HDX: variants seen among roughly 807,000 people sequenced by gnomAD.
The protein encoded by HDX is chromosome X open reading frame 43.
Under a neutral mutation model 45.2 loss-of-function variants are expected in HDX, and 19 were observed. The ratio of observed to expected loss-of-function variants is 0.42; its 90% CI spans 0.29 to 0.62. The LOEUF (loss-of-function observed/expected upper bound fraction) is 0.62, where lower values mean the gene tolerates loss of function less well. HDX is among the 20% of genes least tolerant of loss of function. The probability of loss-of-function intolerance (pLI) is 0.20; values close to 1 mark genes in which losing one functional copy is unlikely to be tolerated. For synonymous variants in HDX, 188 were observed against 172.8 expected (o/e 1.09, Z -0.69); for missense variants, 532 against 493.9 (o/e 1.08, Z -0.73).
chrX:84,436,488 C>T (rs2039639347), intron 5 of HDX, among the ~76,000 whole-genome samples: 1 of 111,261 alleles, frequency 9.0e-6, no homozygotes, highest in African/African-American at 3.3e-5. Context: ...TTTAATACTG[C>T]CTTTGCTGTG....
intron 5 of HDX, among the ~76,000 whole-genome samples, chrX:84,401,875 A>G (rs1177369124): frequency 8.9e-6 from 1 of 111,842 alleles, no homozygotes; most frequent in Non-Finnish European, 1.9e-5. Context: ...ACATGCAGGC[A>G]TAAATCATGT....
chrX:84,423,686 A>T, intron 5 of HDX, among the ~76,000 whole-genome samples: 1 of 112,000 alleles, frequency 8.9e-6, no homozygotes, highest in East Asian at 2.8e-4. Flanking sequence ...GTGAAATATC[A>T]TATCAACAGA....
intron 1 of HDX, among the ~76,000 whole-genome samples, chrX:84,496,145 G>T (rs192869438): frequency 1.8e-5 from 2 of 111,993 alleles, no homozygotes; most frequent in Non-Finnish European, 3.8e-5. Flanking sequence ...CATTGGTGTA[G>T]TTTTTTTCTC....
chrX:84,352,993 A>T (rs1211067408), intron 6 of HDX, among the ~76,000 whole-genome samples: 3 of 111,546 alleles, frequency 2.7e-5, no homozygotes, highest in Non-Finnish European at 3.8e-5. Context: ...AGCAGAAACG[A>T]AGTTTCTATT....
At chrX:84,406,511 CACACACAT>C (rs1360440879) in intron 5 of HDX, among the ~76,000 whole-genome samples, 30 of 56,018 alleles carry the variant, frequency 5.4e-4, no homozygotes, top group African/African-American at 1.5e-3. Context: ...TACACACACA[CACACACAT>C]ACACACACAC....
chrX:84,497,713 G>A (rs867189814), intron 1 of HDX, among the ~76,000 whole-genome samples: 1 of 99,292 alleles, frequency 1.0e-5, no homozygotes, highest in African/African-American at 3.7e-5. Flanking sequence ...GTGTGTGTGT[G>A]TATGAATTTA....
At chrX:84,385,359 G>T (rs942206184) in intron 5 of HDX, among the ~76,000 whole-genome samples, 8 of 103,370 alleles carry the variant, frequency 7.7e-5, no homozygotes, top group African/African-American at 2.8e-4. Flanking sequence ...GACTACAGGC[G>T]CCCGCCACTA....
chrX:84,445,484 A>T (rs747438181), intron 4 of HDX, among the ~76,000 whole-genome samples: 1 of 110,832 alleles, frequency 9.0e-6, no homozygotes, highest in East Asian at 2.8e-4. Flanking sequence ...GATAGCACTC[A>T]ATAAATATTT....
chrX:84,399,608 T>C (rs2038650080), intron 5 of HDX, among the ~76,000 whole-genome samples: 1 of 111,226 alleles, frequency 9.0e-6, no homozygotes, highest in African/African-American at 3.3e-5. Context: ...AGAGCAGACA[T>C]ATTCATAGCC....
chrX:84,461,033 C>A (rs905612482), intron 4 of HDX, among the ~76,000 whole-genome samples: 2 of 111,277 alleles, frequency 1.8e-5, no homozygotes, highest in Admixed American at 1.9e-4. Flanking sequence ...GAAGAGGACA[C>A]AACAGAACTG....
chrX:84,370,093 T>A (rs962926236), intron 5 of HDX, among the ~76,000 whole-genome samples: 2 of 111,976 alleles, frequency 1.8e-5, no homozygotes, highest in African/African-American at 6.5e-5. Flanking sequence ...ATCTATTTAA[T>A]TGAAGACTGG....
rs2041028922 is a variant in HDX at position 84,497,620 on chromosome X, A to AT, written c.-110+4721_-110+4722insA. Among the ~76,000 whole-genome samples, 4 of 110,754 alleles carry AT rather than the reference A, an allele frequency of 3.6e-5. 1 individual carries two copies. The South Asian group carries it at 1.1e-3, about 32-fold the overall frequency. On this transcript the variant is annotated intron_variant, in intron 1 of 10. Transcript: ENST00000373177. ...TGTCATCTCCACTAAGGAAAAAAAA[A>AT]GGAAAATATTACAGGTATTAGAGGT...
In HDX at chrX:84,402,358, T is replaced by C. The variant is rs772810749; in HGVS notation, c.1305+38174A>G. ...ATGCTTTGTCAAACTTACAGTGTTA[T>C]GTATTAAATATTATAGTACCATATA... is the stretch of plus-strand genomic sequence containing the variant. On this transcript the variant is annotated intron_variant, in intron 5 of 10. Transcript: ENST00000373177. Among the ~76,000 whole-genome samples the C allele has an allele frequency of 8.9e-5, 10 of 112,159 alleles. No individual in the cohort carries two copies. In the South Asian group the frequency reaches 3.7e-3, roughly 41 times the overall value.
chrX:84,386,597 A>C (rs2038326089), intron 5 of HDX, among the ~76,000 whole-genome samples: 1 of 111,922 alleles, frequency 8.9e-6, no homozygotes, highest in Admixed American at 9.5e-5. Context: ...GTGTGTTTAC[A>C]GGAATTTATC....
At chrX:84,499,706 T>C (rs990834278) in intron 1 of HDX, among the ~76,000 whole-genome samples, 4 of 111,911 alleles carry the variant, frequency 3.6e-5, no homozygotes, top group Non-Finnish European at 7.5e-5. Context: ...ATTGGGATGG[T>C]ACCTCAAAGT....
At chrX:84,431,453 T>C (rs752840996) in intron 5 of HDX, among the ~76,000 whole-genome samples, 1 of 111,410 alleles carries the variant, frequency 9.0e-6, no homozygotes, top group Non-Finnish European at 1.9e-5. Flanking sequence ...GCTGCACTAA[T>C]AGACATTCCT....
chrX:84,463,621 C>T lies in HDX; in HGVS notation c.1251+4851G>A, dbSNP rs182337074. Among the ~76,000 whole-genome samples the T allele has an allele frequency of 2.7e-3, 304 of 110,891 alleles. 1 individual carries two copies. Among genetic ancestry groups the T allele is most frequent in the Admixed American group, 1.5e-3 (16 of 10,337 alleles). ...GAAATGATAAATGTTGTATTTATGG[C>T]GCCTTTCTTCCAAAGTGCCCCAATA... is the stretch of plus-strand genomic sequence containing the variant. On this transcript the variant is annotated intron_variant, in intron 4 of 10. Coordinates refer to ENST00000373177, the MANE Select transcript of HDX (RefSeq NM_001177479.2).
chrX:84,344,569 G>A, intron 6 of HDX, 112 bp from the exon 7 acceptor site: 1 of 455,046 alleles, frequency 2.2e-6, no homozygotes, highest in South Asian at 4.8e-5. Flanking sequence ...GGAATAAATG[G>A]GTACACAGAA....
intron 5 of HDX, among the ~76,000 whole-genome samples, chrX:84,437,275 C>A (rs1483011541): frequency 9.0e-6 from 1 of 110,544 alleles, no homozygotes; most frequent in African/African-American, 3.3e-5. Flanking sequence ...TGAATTGTTT[C>A]CAGTCTACTT....
Sources: allele counts gnomAD v4.1 joint callset (sites outside exome capture counted in the v4.1 genomes callset), GRCh38; gene constraint gnomAD v4.1.1; transcripts MANE v1.5; gene names NCBI Gene and HGNC (gene_info 2026-07-23, HGNC 2026-07-21).